Variants in ADGRE2 observed in about 807,000 individuals in gnomAD.
ADGRE2 encodes adhesion G protein-coupled receptor E2.
Under a neutral mutation model 100.8 loss-of-function variants are expected in ADGRE2, and 83 were observed. That is an observed-to-expected ratio of 0.82 (90% confidence interval 0.69 to 0.99). The LOEUF (loss-of-function observed/expected upper bound fraction) is 0.99, where lower values mean the gene tolerates loss of function less well. Ranked by LOEUF, ADGRE2 falls within the 50% of genes least tolerant of loss-of-function variation. The pLI is 0.00. For synonymous variants in ADGRE2, 355 were observed against 413.0 expected, an observed-to-expected ratio of 0.86 and a Z score of 1.70; for missense variants, 814 against 1,035.7, an observed-to-expected ratio of 0.79 and a Z score of 2.94.
At chr19:14,727,353 C>T in the ADGRE2 span, among the ~76,000 whole-genome samples, 1 of 152,142 alleles carries the variant, frequency 6.6e-6, no homozygotes. Context: ...AATTGGCTCA[C>T]TGTTTTGCAG....
Position 14,764,451 on chromosome 19 carries a change from TG to T in ADGRE2, c.1065del (p.Phe355LeufsTer17). On this transcript the variant is annotated frameshift_variant, in exon 11 of 21. Coordinates refer to ENST00000315576, the MANE Select transcript of ADGRE2 (RefSeq NM_013447.4). LOFTEE classifies it high-confidence loss of function. ...GACCTACCTGTGCCTGCAGGATAACTGAAGTTCAACAGCCCATTGGAAAGGT... is the reference window on the plus strand; with the variant it reads ...GACCTACCTGTGCCTGCAGGATAACTAAGTTCAACAGCCCATTGGAAAGGT... ...SKNLSNGLLN[F>X]SYPAGTELSL... The T allele has an allele frequency of 6.2e-7, 1 of 1,613,116 alleles. No homozygotes were observed. The highest frequency in any genetic ancestry group is 8.5e-7 in the Non-Finnish European group (1 of 1,179,970).
At chr19:14,744,045 G>A (rs2043009388) in intron 18 of ADGRE2, among the ~76,000 whole-genome samples, 1 of 152,096 alleles carries the variant, frequency 6.6e-6, no homozygotes, top group African/African-American at 2.4e-5. Context: ...TTCGAGACCA[G>A]CCCGACCAAC....
rs141539462 is a variant in ADGRE2, at chr19:14,766,290, C to G, written c.579G>C (p.Pro193=). The G allele has an allele frequency of 1.9e-6, 3 of 1,613,774 alleles. No homozygotes were observed. Among genetic ancestry groups the G allele is most frequent in the Non-Finnish European group, 2.5e-6 (3 of 1,179,918 alleles). Residue 193 remains proline (P), a synonymous_variant, in exon 7 of 21, where the codon CCG becomes CCC. Coordinates refer to ENST00000315576, the MANE Select transcript of ADGRE2 (RefSeq NM_013447.4). ...GGGACCCCGGAATCGGTTGCCAGCC[C>G]GGGCGGCAGCGGCACTGATAGCTGC... ...NVGSYQCRCR[P]GWQPIPGSPN...
At position 14,736,253 on chromosome 19, in the gene ADGRE2, TATA is replaced by T; in HGVS notation, c.2464-12_2464-10del. On this transcript the variant is annotated splice_polypyrimidine_tract_variant and intron_variant, in intron 20 of 20. Coordinates refer to ENST00000315576, the MANE Select transcript of ADGRE2 (RefSeq NM_013447.4). ...AGATTTTTCTAGTTAACCTGAAATATATATATATGTATGTATTTTGTTGTTGAG... is the reference window on the plus strand; with the variant it reads ...AGATTTTTCTAGTTAACCTGAAATATTATATGTATGTATTTTGTTGTTGAG... 3 of 1,512,486 alleles carry T rather than the reference TATA, an allele frequency of 2.0e-6. No homozygotes were observed. Among genetic ancestry groups the T allele is most frequent in the Non-Finnish European group, 2.7e-6 (3 of 1,092,396 alleles). 93.7% of individuals were successfully genotyped at this position (1,512,486 alleles called of 1,614,324 possible).
intron 5 of ADGRE2, among the ~76,000 whole-genome samples, chr19:14,768,245 T>C (rs916153789): frequency 6.6e-6 from 1 of 151,994 alleles, no homozygotes; most frequent in Non-Finnish European, 1.5e-5. Flanking sequence ...GGAGCATGAG[T>C]CTGGTGCTGC....
chr19:14,751,969 T>G (rs1297605200), intron 15 of ADGRE2, among the ~76,000 whole-genome samples: 2 of 150,026 alleles, frequency 1.3e-5, no homozygotes, highest in African/African-American at 4.9e-5. Context: ...ATTTCACTCT[T>G]GTTGCCCAGG....
intron 1 of ADGRE2, among the ~76,000 whole-genome samples, chr19:14,777,293 C>T (rs889894934): frequency 6.6e-6 from 1 of 152,186 alleles, no homozygotes; most frequent in Non-Finnish European, 1.5e-5. Context: ...GTTGGCAGAG[C>T]CTGCGTCCCA....
At chr19:14,746,390 TCAGACAGGG>T (rs2043091371) in intron 17 of ADGRE2, 67 bp from the exon 18 acceptor site, 1 of 828,220 alleles carries the variant, frequency 1.2e-6, no homozygotes. Context: ...TTTTTTTTTT[TCAGACAGGG>T]TCTTGCTCTG....
Position 14,764,630 on chromosome 19 carries a change from G to C in ADGRE2, c.907-20C>G. On this transcript the variant is annotated intron_variant, in intron 10 of 20. Transcript: ENST00000315576. ...GATGCTCTGGAGGGATGTGGACACA[G>C]ACCTAGTGAGCCATGGGCCAGAGGG... 1.3e-6 allele frequency: 2 copies of C among 1,599,614 alleles called. No homozygotes were observed. The highest frequency in any genetic ancestry group is 1.1e-5 in the South Asian group (1 of 89,758).
Position 14,751,438 on chromosome 19 carries a change from G to T in ADGRE2, c.2022C>A (p.Ser674=). The change falls in exon 16 of 21, where the codon TCC becomes TCA. Residue 674 remains serine, a splice_region_variant and synonymous_variant. Coordinates refer to ENST00000315576, the MANE Select transcript of ADGRE2 (RefSeq NM_013447.4). ...GGATTGTGAGAATTTGCACTAACCG[G>T]GAAGGTGTTCCATAAAGGTGAGGCC... ...ASRPHLYGTP[S]RCWLQPEKGF... 1 of 1,611,994 alleles carries T rather than the reference G, an allele frequency of 6.2e-7. No individual in the cohort carries two copies. Among genetic ancestry groups the T allele is most frequent in the African/African-American group, 1.3e-5 (1 of 75,012 alleles).
rs1031591210 is a variant in ADGRE2, at chr19:14,734,447, G to C, written c.*1789C>G. On this transcript the variant is annotated 3_prime_UTR_variant, in exon 21 of 21. Transcript: ENST00000315576. The stretch of plus-strand genomic sequence containing the variant: ...AGGCAGGAGGATTGCTTAGGCCTTG[G>C]GAGGTCGAGGCTGCAGTGAGCAGTG... 3.3e-5 allele frequency: 5 copies of C among 152,236 alleles called. No individual in the cohort carries two copies. The highest frequency in any genetic ancestry group is 1.2e-4 in the African/African-American group (5 of 41,444). The allele number at this position is 152,236 out of a possible 1,614,324, so 9.4% of individuals were successfully genotyped here.
At chr19:14,737,075 C>T (rs1307596259) in intron 20 of ADGRE2, among the ~76,000 whole-genome samples, 1 of 150,404 alleles carries the variant, frequency 6.6e-6, no homozygotes, top group East Asian at 1.9e-4. Context: ...ATTTGCTTCA[C>T]ATATAGATAA....
intron 11 of ADGRE2, among the ~76,000 whole-genome samples, chr19:14,762,698 C>T (rs890526239): frequency 1.6e-4 from 24 of 151,900 alleles, no homozygotes; most frequent in Admixed American, 1.1e-3. Context: ...GTCTGGAGTG[C>T]AGTGGTGCAA....
intron 20 of ADGRE2, chr19:14,741,784 C>T (rs182253894): frequency 8.6e-4 from 291 of 339,568 alleles, no homozygotes; most frequent in African/African-American, 5.3e-3. Flanking sequence ...TGTGCCTGGC[C>T]GAGACTCTGT....
At chr19:14,755,438 G>C (rs566598763) in intron 13 of ADGRE2, among the ~76,000 whole-genome samples, 22 of 152,180 alleles carry the variant, frequency 1.4e-4, no homozygotes, top group African/African-American at 5.3e-4. Flanking sequence ...GGCTGACACA[G>C]CGAGACTCTG....
At chr19:14,754,329 A>G (rs148671231) in intron 14 of ADGRE2, among the ~76,000 whole-genome samples, 16 of 149,092 alleles carry the variant, frequency 1.1e-4, no homozygotes, top group South Asian at 6.4e-4. Flanking sequence ...ATATATCTCT[A>G]TATATGTATA....
At chr19:14,747,255 C>T (rs558987061) in intron 16 of ADGRE2, among the ~76,000 whole-genome samples, 1 of 152,098 alleles carries the variant, frequency 6.6e-6, no homozygotes, top group Non-Finnish European at 1.5e-5. Context: ...CACACCAGGA[C>T]TTTGGGAGGC....
At chr19:14,769,707 C>CT (rs907658223) in intron 5 of ADGRE2, among the ~76,000 whole-genome samples, 16 of 151,852 alleles carry the variant, frequency 1.1e-4, no homozygotes, top group Admixed American at 3.3e-4. Context: ...CTTTTCTTTT[C>CT]TTTTTTTTGG....
chr19:14,725,245 C>G, the ADGRE2 span, among the ~76,000 whole-genome samples: 3 of 152,160 alleles, frequency 2.0e-5, no homozygotes, highest in Non-Finnish European at 2.9e-5. Flanking sequence ...GGGGATGACA[C>G]TAAGCCATTC....
Sources: allele counts gnomAD v4.1 joint callset (sites outside exome capture counted in the v4.1 genomes callset), GRCh38; gene constraint gnomAD v4.1.1; transcripts MANE v1.5; gene names NCBI Gene and HGNC (gene_info 2026-07-23, HGNC 2026-07-21).